Variants in GLDC observed in about 807,000 individuals in gnomAD.
GLDC encodes glycine dehydrogenase (decarboxylating), mitochondrial.
In GLDC, 104 loss-of-function variants were observed where a neutral mutation model predicts 121.3. The observed-to-expected ratio is 0.86, with a 90% confidence interval of 0.73 to 1.01. The LOEUF (loss-of-function observed/expected upper bound fraction) is 1.01. Ranked by LOEUF, GLDC falls within the 50% of genes least tolerant of loss-of-function variation. The pLI, the probability that GLDC is intolerant of heterozygous loss-of-function variation, is 0.00. For missense variants in GLDC, 1,429 were observed against 1,306.6 expected (o/e 1.09, Z -1.44); for synonymous variants, 546 against 480.6 (o/e 1.14, Z -1.78).
At chr9:6,565,279 T>A in intron 16 of GLDC, 75 bp downstream of exon 16, 1 of 1,004,926 alleles carries the variant, frequency 1.0e-6, no homozygotes, top group Non-Finnish European at 1.6e-6. Flanking sequence ...GGAGGGAGTG[T>A]CCCACAGAAG....
intron 15 of GLDC, chr9:6,567,217 T>C (rs1300701565): frequency 6.6e-6 from 1 of 152,090 alleles, no homozygotes; most frequent in Non-Finnish European, 1.5e-5. Flanking sequence ...CCGCACTGAG[T>C]CAGCTGCAGC....
intron 21 of GLDC, among the ~76,000 whole-genome samples, chr9:6,543,893 G>T (rs546573253): frequency 2.1e-5 from 3 of 142,072 alleles, no homozygotes; most frequent in African/African-American, 5.6e-5. Flanking sequence ...GAGGACAGGA[G>T]GGGGGGGGAT....
chr9:6,566,378 C>A (rs1406771318), intron 15 of GLDC: 2 of 152,042 alleles, frequency 1.3e-5, no homozygotes, highest in African/African-American at 4.8e-5. Context: ...TTAAGGAAGA[C>A]ACACCTATGA....
At chr9:6,537,749 C>T (rs1213384323) in intron 22 of GLDC, among the ~76,000 whole-genome samples, 1 of 152,076 alleles carries the variant, frequency 6.6e-6, no homozygotes, top group Non-Finnish European at 1.5e-5. Context: ...CACTGCACTC[C>T]AGCCTGGGTG....
At chr9:6,543,153 T>G (rs1470889942) in intron 21 of GLDC, among the ~76,000 whole-genome samples, 1 of 151,948 alleles carries the variant, frequency 6.6e-6, no homozygotes, top group Non-Finnish European at 1.5e-5. Flanking sequence ...CAGACATCTG[T>G]AGTTCCAGCT....
chr9:6,593,889 C>T (rs1818435072), intron 9 of GLDC, among the ~76,000 whole-genome samples: 1 of 151,502 alleles, frequency 6.6e-6, no homozygotes, highest in Non-Finnish European at 1.5e-5. Flanking sequence ...GACAGGGTTT[C>T]ACCATGTTGG....
intron 15 of GLDC, among the ~76,000 whole-genome samples, chr9:6,584,625 C>T (rs143896952): frequency 8.5e-5 from 13 of 152,296 alleles, no homozygotes; most frequent in African/African-American, 2.9e-4. Context: ...TTGCTTTACT[C>T]ACCAGAAGCA....
At position 6,593,297 on chromosome 9, in the gene GLDC, C is replaced by CT. The variant is rs773281544; in HGVS notation, c.1262-308dup. Among the ~76,000 whole-genome samples, 1,937 of 138,384 alleles carry CT rather than the reference C, an allele frequency of 0.014. 31 individuals are homozygous for CT. Among genetic ancestry groups the CT allele is most frequent in the Middle Eastern group, 0.021 (6 of 280 alleles). 90.8% of individuals were successfully genotyped at this position (138,384 alleles called of 152,430 possible). ...TATATATATATATATAAAATTATAC[C>CT]TTTTTTTTTTTGAGAGATACAGTCT... On this transcript the variant is annotated intron_variant, in intron 9 of 24. Transcript: ENST00000321612.
Position 6,645,460 on chromosome 9 carries a change from G to T in GLDC, c.40C>A (p.Arg14Ser), listed in dbSNP as rs182760732. 4.0e-4 allele frequency: 494 copies of T among 1,247,936 alleles called. 2 individuals carry two copies. The African/African-American group carries it at 7.0e-3, about 18-fold the overall frequency. 77.3% of individuals were successfully genotyped at this position (1,247,936 alleles called of 1,614,324 possible). A position where few individuals can be genotyped will look rare whatever the true frequency, so the allele number is the denominator to read the frequency against. Residue 14 changes from arginine to serine, a missense_variant, in exon 1 of 25, where the codon CGC (arginine) becomes AGC (serine). Arg to Ser is a moderately radical substitution (Grantham distance 110, BLOSUM62 -1). Transcript: ENST00000321612. Reference protein sequence around the residue: ...CARAWGLRLGRGVGGGRRLAG... With the variant: ...CARAWGLRLGSGVGGGRRLAG... ...AGGCGGCGGCCGCCCCCGACCCCGC[G>T]GCCCAGGCGCAGCCCCCACGCCCTG...
intron 2 of GLDC, among the ~76,000 whole-genome samples, chr9:6,641,892 A>G (rs1324971472): frequency 6.6e-6 from 1 of 152,194 alleles, no homozygotes. Context: ...TTCTGACTAC[A>G]CTAGAACACA....
intron 14 of GLDC, among the ~76,000 whole-genome samples, 184 bp from the exon 15 acceptor site, chr9:6,587,467 T>C (rs1818293960): frequency 6.6e-6 from 1 of 152,202 alleles, no homozygotes; most frequent in South Asian, 2.1e-4. Flanking sequence ...ACTGTCTTCA[T>C]TTAAAAGTGG....
chr9:6,543,764 G>T (rs756919596), intron 21 of GLDC, among the ~76,000 whole-genome samples: 4 of 152,024 alleles, frequency 2.6e-5, no homozygotes, highest in African/African-American at 9.7e-5. Context: ...ATGTTGGGGC[G>T]ATATCAAGTG....
At chr9:6,644,017 G>A (rs1242065933) in intron 2 of GLDC, among the ~76,000 whole-genome samples, 3 of 67,930 alleles carry the variant, frequency 4.4e-5, no homozygotes, top group Non-Finnish European at 7.4e-5. Flanking sequence ...CTGGGCGACA[G>A]AGATTCTGTC....
At chr9:6,612,937 C>T (rs1277829529) in intron 3 of GLDC, among the ~76,000 whole-genome samples, 2 of 151,830 alleles carry the variant, frequency 1.3e-5, no homozygotes, top group Non-Finnish European at 2.9e-5. Context: ...TCTGCACTCC[C>T]GCCTGGGTGA....
chr9:6,619,007 C>T (rs1307545970), intron 3 of GLDC, among the ~76,000 whole-genome samples: 2 of 151,790 alleles, frequency 1.3e-5, no homozygotes, highest in South Asian at 2.1e-4. Flanking sequence ...CCCAGGCACA[C>T]TGGCAGGCAC....
intron 22 of GLDC, among the ~76,000 whole-genome samples, chr9:6,536,929 T>A (rs1210806210): frequency 6.6e-6 from 1 of 152,202 alleles, no homozygotes; most frequent in African/African-American, 2.4e-5. Flanking sequence ...CCAAAGGTTT[T>A]CACATGTAAG....
intron 15 of GLDC, chr9:6,565,716 T>C (rs1817842668): frequency 1.7e-6 from 1 of 581,460 alleles, no homozygotes; most frequent in Non-Finnish European, 3.0e-6. Flanking sequence ...AATAGCCTTT[T>C]GTTATTATGA....
intron 21 of GLDC, chr9:6,541,229 C>A (rs956303897): frequency 6.6e-6 from 1 of 152,226 alleles, no homozygotes; most frequent in Non-Finnish European, 1.5e-5. Flanking sequence ...GACCACACAA[C>A]CATCATCAGG....
At chr9:6,583,457 T>TTCAGG (rs1384146325) in intron 15 of GLDC, among the ~76,000 whole-genome samples, 2 of 152,142 alleles carry the variant, frequency 1.3e-5, no homozygotes, top group African/African-American at 2.4e-5. Context: ...GGAGGATCAC[T>TTCAGG]TCAGGTCAGG....
Sources: allele counts gnomAD v4.1 joint callset (sites outside exome capture counted in the v4.1 genomes callset), GRCh38; gene constraint gnomAD v4.1.1; transcripts MANE v1.5; gene names NCBI Gene and HGNC (gene_info 2026-07-23, HGNC 2026-07-21).